TAFA2: variants seen among roughly 807,000 people sequenced by gnomAD.
TAFA2 encodes TAFA chemokine like family member 2.
TAFA2 carries 7 observed loss-of-function variants against 18.8 expected under a neutral mutation model. The ratio of observed to expected loss-of-function variants is 0.37; its 90% CI spans 0.21 to 0.70. The LOEUF is 0.70. TAFA2 is among the 30% of genes least tolerant of loss of function. The pLI is 0.53. For missense variants in TAFA2, 122 were observed against 158.1 expected (o/e 0.77, Z 1.23); for synonymous variants, 60 against 54.2 (o/e 1.11, Z -0.47).
intron 1 of TAFA2, among the ~76,000 whole-genome samples, chr12:61,945,263 T>C (rs1442955436): frequency 8.2e-6 from 1 of 122,182 alleles, no homozygotes; most frequent in Non-Finnish European, 1.6e-5. Flanking sequence ...CAACCCTTCA[T>C]GCTAAAAACT....
chr12:62,147,584 G>A (rs1341608871), intron 1 of TAFA2, among the ~76,000 whole-genome samples: 1 of 150,072 alleles, frequency 6.7e-6, no homozygotes, highest in Non-Finnish European at 1.5e-5. Flanking sequence ...CAAAAAATTA[G>A]CCAGGCACGG....
In TAFA2 at chr12:62,181,591, T is replaced by C. The variant is rs531737158; in HGVS notation, c.-2+9668A>G. On this transcript the variant is annotated intron_variant, in intron 1 of 4. Coordinates refer to ENST00000416284, the MANE Select transcript of TAFA2 (RefSeq NM_178539.5). ...ATTGCTTCACTCCCTCAGACTGACA[T>C]GTCTAAATCTAATCTCAGTTTATAA... is the stretch of plus-strand genomic sequence containing the variant. Among the ~76,000 whole-genome samples, 21 of 152,346 alleles carry C rather than the reference T, an allele frequency of 1.4e-4. No homozygotes were observed. The South Asian group carries it at 3.7e-3, about 27-fold the overall frequency.
At chr12:62,256,965 A>C (rs1435195116) in intron 1 of TAFA2, among the ~76,000 whole-genome samples, 2 of 152,002 alleles carry the variant, frequency 1.3e-5, no homozygotes, top group Non-Finnish European at 2.9e-5. Flanking sequence ...AGTAAGAATG[A>C]GGGGGTGGTA....
intron 1 of TAFA2, among the ~76,000 whole-genome samples, chr12:62,139,073 G>A (rs1373463): frequency 1.3e-4 from 20 of 152,218 alleles, no homozygotes; most frequent in East Asian, 9.7e-4. Context: ...GCTTGGGGGC[G>A]GGGGAGAGGA....
At chr12:61,754,468 T>C (rs928229147) in intron 3 of TAFA2, among the ~76,000 whole-genome samples, 2 of 152,002 alleles carry the variant, frequency 1.3e-5, no homozygotes, top group African/African-American at 4.8e-5. Flanking sequence ...TTCACTCATA[T>C]ACATGGTGCT....
chr12:62,129,168 G>T (rs1248257390), intron 1 of TAFA2, among the ~76,000 whole-genome samples: 1 of 151,836 alleles, frequency 6.6e-6, no homozygotes, highest in Non-Finnish European at 1.5e-5. Flanking sequence ...CTAAATGGCA[G>T]AAAAAATGTT....
chr12:61,735,413 A>T (rs2120674224), intron 4 of TAFA2, among the ~76,000 whole-genome samples: 1 of 152,220 alleles, frequency 6.6e-6, no homozygotes, highest in East Asian at 1.9e-4. Flanking sequence ...GACACATAAT[A>T]ATTGTACATA....
At chr12:62,167,576 T>C (rs191889018) in intron 1 of TAFA2, among the ~76,000 whole-genome samples, 216 of 152,322 alleles carry the variant, frequency 1.4e-3, no homozygotes, top group Non-Finnish European at 2.4e-3. Flanking sequence ...TAAAACCCTT[T>C]AGCCCTAAAC....
chr12:61,827,960 C>T (rs556671384), intron 2 of TAFA2, among the ~76,000 whole-genome samples: 108 of 152,014 alleles, frequency 7.1e-4, no homozygotes, highest in Non-Finnish European at 1.2e-3. Context: ...ATCTACTTCT[C>T]ACTTTTAAAA....
chr12:62,077,508 A>G (rs1462753392), intron 1 of TAFA2, among the ~76,000 whole-genome samples: 1 of 152,246 alleles, frequency 6.6e-6, no homozygotes, highest in African/African-American at 2.4e-5. Context: ...GAGGATCAGC[A>G]TCAAGTGTGG....
chr12:61,801,148 T>C (rs1367643732), intron 2 of TAFA2, among the ~76,000 whole-genome samples: 3 of 152,106 alleles, frequency 2.0e-5, no homozygotes, highest in Non-Finnish European at 4.4e-5. Flanking sequence ...AGATATCCCA[T>C]GTTCATGAAT....
intron 1 of TAFA2, among the ~76,000 whole-genome samples, chr12:61,935,292 C>A (rs887185507): frequency 1.3e-5 from 2 of 152,268 alleles, no homozygotes; most frequent in Middle Eastern, 3.4e-3. Flanking sequence ...CCCAGAAACA[C>A]AATCTGTTTC....
intron 4 of TAFA2, among the ~76,000 whole-genome samples, chr12:61,744,182 G>A (rs192728615): frequency 7.9e-5 from 12 of 152,152 alleles, no homozygotes; most frequent in East Asian, 1.9e-4. Context: ...AGAAGCAGTC[G>A]CCTAAAGATG....
chr12:61,981,486 G>T (rs1485946680), intron 1 of TAFA2, among the ~76,000 whole-genome samples: 1 of 152,194 alleles, frequency 6.6e-6, no homozygotes, highest in African/African-American at 2.4e-5. Flanking sequence ...AAGAGCTTCT[G>T]CATGGCAAAA....
intron 1 of TAFA2, among the ~76,000 whole-genome samples, chr12:61,916,500 C>A (rs111408007): frequency 6.6e-6 from 1 of 152,196 alleles, no homozygotes; most frequent in Non-Finnish European, 1.5e-5. Flanking sequence ...TACTCTCCAT[C>A]GTTAATCTGA....
chr12:61,993,968 A>G (rs954179704), intron 1 of TAFA2, among the ~76,000 whole-genome samples: 4 of 152,114 alleles, frequency 2.6e-5, no homozygotes, highest in African/African-American at 4.8e-5. Context: ...AGACTTCTCA[A>G]TCTGACACTG....
intron 1 of TAFA2, among the ~76,000 whole-genome samples, chr12:62,201,275 T>C (rs753516792): frequency 1.1e-4 from 16 of 152,194 alleles, no homozygotes; most frequent in Non-Finnish European, 2.4e-4. Flanking sequence ...TCCAATACTA[T>C]GTTGAATAGG....
chr12:62,042,597 C>T (rs1225397726), intron 1 of TAFA2, among the ~76,000 whole-genome samples: 1 of 152,038 alleles, frequency 6.6e-6, no homozygotes. Context: ...TTTTACCAGC[C>T]TACATATCTA....
chr12:62,259,838 C>T (rs1392833957), upstream of TAFA2: 2 of 154,302 alleles, frequency 1.3e-5, no homozygotes, highest in South Asian at 3.6e-4. Flanking sequence ...CTGGAAGGAA[C>T]CCAGGAAGGG....
Sources: allele counts gnomAD v4.1 joint callset (sites outside exome capture counted in the v4.1 genomes callset), GRCh38; gene constraint gnomAD v4.1.1; transcripts MANE v1.5; gene names NCBI Gene and HGNC (gene_info 2026-07-23, HGNC 2026-07-21).